GRID2: variants seen among roughly 807,000 people sequenced by gnomAD.
The protein encoded by GRID2 is glutamate ionotropic receptor delta type subunit 2, also known as glutamate receptor ionotropic, delta-2.
In GRID2, 33 loss-of-function variants were observed where a neutral mutation model predicts 114.8. The ratio of observed to expected loss-of-function variants is 0.29; its 90% CI spans 0.22 to 0.38. The LOEUF (loss-of-function observed/expected upper bound fraction) is 0.38, where lower values mean the gene tolerates loss of function less well. Ranked by LOEUF, GRID2 falls within the 10% of genes least tolerant of loss-of-function variation. The pLI is 1.00. For missense variants in GRID2, 1,184 were observed against 1,257.7 expected (o/e 0.94, Z 0.89); for synonymous variants, 505 against 449.9 (o/e 1.12, Z -1.55).
At chr4:92,790,058 T>C (rs1739505009) in intron 2 of GRID2, among the ~76,000 whole-genome samples, 1 of 151,906 alleles carries the variant, frequency 6.6e-6, no homozygotes, top group South Asian at 2.1e-4. Context: ...TTTTAGCATC[T>C]GCACTAGAGT....
chr4:93,541,031 C>G (rs934203490), intron 13 of GRID2, among the ~76,000 whole-genome samples: 1 of 152,004 alleles, frequency 6.6e-6, no homozygotes, highest in East Asian at 1.9e-4. Context: ...TTAAAGTTCC[C>G]AAAACCCAAA....
At chr4:92,651,164 T>A (rs1348024136) in intron 2 of GRID2, among the ~76,000 whole-genome samples, 10 of 152,102 alleles carry the variant, frequency 6.6e-5, no homozygotes, top group Non-Finnish European at 8.8e-5. Context: ...AAGGAAAACC[T>A]GTATCCAGAA....
At chr4:92,514,463 AT>A (rs1369779777) in intron 1 of GRID2, among the ~76,000 whole-genome samples, 3 of 151,824 alleles carry the variant, frequency 2.0e-5, no homozygotes, top group Non-Finnish European at 1.5e-5. Context: ...TTTACATTTC[AT>A]TTTCAACTAA....
intron 12 of GRID2, among the ~76,000 whole-genome samples, chr4:93,508,740 A>T (rs919282914): frequency 1.3e-5 from 2 of 152,204 alleles, no homozygotes; most frequent in African/African-American, 4.8e-5. Context: ...TTTAAAAATC[A>T]TGGGAACCAG....
intron 1 of GRID2, among the ~76,000 whole-genome samples, chr4:92,489,706 G>C (rs34183174): frequency 0.28 from 42,779 of 151,734 alleles, 6,056 homozygotes; most frequent in Middle Eastern, 0.33. Flanking sequence ...ACTAGCAAGC[G>C]GTGGTGGTGC....
At chr4:92,528,161 A>C (rs1228993562) in intron 1 of GRID2, among the ~76,000 whole-genome samples, 1 of 151,902 alleles carries the variant, frequency 6.6e-6, no homozygotes, top group African/African-American at 2.4e-5. Context: ...TAGGTGGTTC[A>C]TGATTTCTTT....
At chr4:93,420,952 A>C (rs1287638464) in intron 9 of GRID2, among the ~76,000 whole-genome samples, 1 of 151,972 alleles carries the variant, frequency 6.6e-6, no homozygotes, top group Non-Finnish European at 1.5e-5. Context: ...ACGGGGTTTC[A>C]CCATGTTAGC....
chr4:93,016,586 C>T (rs929375914), intron 2 of GRID2, among the ~76,000 whole-genome samples: 2 of 152,024 alleles, frequency 1.3e-5, no homozygotes, highest in Admixed American at 6.6e-5. Context: ...GCTGGATCAG[C>T]GTCTTTGAAT....
chr4:93,366,919 G>A (rs1007357900), intron 8 of GRID2, among the ~76,000 whole-genome samples: 1 of 151,638 alleles, frequency 6.6e-6, no homozygotes, highest in African/African-American at 2.4e-5. Context: ...AATATATATG[G>A]TTGATAAATA....
At chr4:92,798,875 T>A (rs116026265) in intron 2 of GRID2, among the ~76,000 whole-genome samples, 2,946 of 152,068 alleles carry the variant, frequency 0.019, 87 homozygotes, top group African/African-American at 0.068. Flanking sequence ...ACGAATTAAC[T>A]GAAATAGCAG....
At chr4:92,780,971 CA>C (rs563175407) in intron 2 of GRID2, among the ~76,000 whole-genome samples, 2 of 151,882 alleles carry the variant, frequency 1.3e-5, no homozygotes, top group South Asian at 4.1e-4. Flanking sequence ...ACAACAGGTA[CA>C]AAAAATTTTG....
intron 7 of GRID2, among the ~76,000 whole-genome samples, chr4:93,231,650 C>T (rs1561018069): frequency 6.6e-6 from 1 of 152,098 alleles, no homozygotes; most frequent in East Asian, 1.9e-4. Context: ...CAGCATGAAT[C>T]CAATGAACAG....
At chr4:92,982,736 CT>C (rs1754294410) in intron 2 of GRID2, among the ~76,000 whole-genome samples, 1 of 151,888 alleles carries the variant, frequency 6.6e-6, no homozygotes, top group Admixed American at 6.6e-5. Flanking sequence ...AGTTCTTTGG[CT>C]AAGGTGTTGT....
At chr4:92,472,760 A>AAATTG (rs1392097138) in intron 1 of GRID2, among the ~76,000 whole-genome samples, 1 of 152,086 alleles carries the variant, frequency 6.6e-6, no homozygotes, top group African/African-American at 2.4e-5. Context: ...GCCTGTCTTA[A>AAATTG]AATTGGGTTG....
chr4:92,988,701 T>C (rs757590470), intron 2 of GRID2, among the ~76,000 whole-genome samples: 3 of 152,136 alleles, frequency 2.0e-5, no homozygotes, highest in Non-Finnish European at 4.4e-5. Context: ...ATGGTCCCTA[T>C]CCTAGAAGTA....
intron 1 of GRID2, among the ~76,000 whole-genome samples, chr4:92,400,438 T>A (rs993832300): frequency 6.6e-5 from 10 of 152,176 alleles, no homozygotes; most frequent in African/African-American, 2.4e-4. Context: ...TATTAGTACT[T>A]TATTCCTTTT....
chr4:92,792,776 AT>A (rs887426459), intron 2 of GRID2, among the ~76,000 whole-genome samples: 6 of 151,642 alleles, frequency 4.0e-5, no homozygotes, highest in Non-Finnish European at 7.4e-5. Context: ...CTATATTTTA[AT>A]TTTTTTGAGT....
intron 8 of GRID2, among the ~76,000 whole-genome samples, chr4:93,357,746 G>A (rs892884812): frequency 2.0e-5 from 3 of 151,422 alleles, no homozygotes; most frequent in Non-Finnish European, 4.4e-5. Context: ...GTTTGATGTA[G>A]GTGTGAAATA....
intron 2 of GRID2, among the ~76,000 whole-genome samples, chr4:92,791,393 A>AG (rs1739584306): frequency 6.6e-6 from 1 of 151,830 alleles, no homozygotes; most frequent in African/African-American, 2.4e-5. Flanking sequence ...AAAAATCACT[A>AG]ATGTAAAACA....
Sources: gnomAD v4.1 joint callset for allele counts (sites outside exome capture counted in the v4.1 genomes callset) on GRCh38, gnomAD v4.1.1 for gene constraint, MANE v1.5 for transcripts, NCBI Gene and HGNC (gene_info 2026-07-23, HGNC 2026-07-21) for gene names.